COG2: variants seen among roughly 807,000 people sequenced by gnomAD.
COG2 encodes the protein component of oligomeric golgi complex 2.
COG2 carries 52 observed loss-of-function variants against 90.6 expected under a neutral mutation model. The ratio of observed to expected loss-of-function variants is 0.57; its 90% CI spans 0.46 to 0.72. The LOEUF is 0.72. Among genes scored for constraint, COG2 ranks in the 30% least tolerant of loss-of-function variants. The pLI is 0.00. For synonymous variants in COG2, 337 were observed against 320.4 expected, an observed-to-expected ratio of 1.05 and a Z score of -0.55; for missense variants, 829 against 891.2, an observed-to-expected ratio of 0.93 and a Z score of 0.89.
chr1:230,654,436 T>C (rs897757278), intron 1 of COG2, among the ~76,000 whole-genome samples: 2 of 152,228 alleles, frequency 1.3e-5, no homozygotes, highest in African/African-American at 4.8e-5. Context: ...TGTGGTGTTA[T>C]TTCTGAGTCC....
In COG2 at chr1:230,669,340, C is replaced by G. The variant is rs374698235; in HGVS notation, c.595-16C>G. The G allele has an allele frequency of 6.4e-7, 1 of 1,574,310 alleles. No homozygotes were observed. Among genetic ancestry groups the G allele is most frequent in the African/African-American group, 1.4e-5 (1 of 72,776 alleles). ...CAACTAGAGCTTTTTTTTTATTTAC[C>G]CACCTTTTCTTGCAGCGTATAGCTG... is the stretch of plus-strand genomic sequence containing the variant. On this transcript the variant is annotated splice_polypyrimidine_tract_variant and intron_variant, in intron 6 of 17. Coordinates refer to ENST00000366669, the MANE Select transcript of COG2 (RefSeq NM_007357.3).
Position 230,669,443 on chromosome 1 carries a change from C to T in COG2, c.682C>T (p.Arg228Trp), listed in dbSNP as rs1421164814. The change falls in exon 7 of 18, where the codon CGG (arginine) becomes TGG (tryptophan). Residue 228 changes from arginine to tryptophan, a missense_variant. Transcript: ENST00000366669. ...TCAGACGTCTGACGTCGATATAATA[C>T]GGCACTGCTTGCGGACTTACGCCAC... is the stretch of plus-strand genomic sequence containing the variant. ...GLQTSDVDII[R>W]HCLRTYATID... is the part of the protein sequence containing the mutation. 5 of 1,613,948 alleles carry T rather than the reference C, an allele frequency of 3.1e-6. No individual in the cohort carries two copies. The highest frequency in any genetic ancestry group is 1.7e-5 in the Admixed American group (1 of 59,998).
intron 1 of COG2, among the ~76,000 whole-genome samples, chr1:230,644,754 C>T (rs1461743885): frequency 2.6e-5 from 4 of 152,096 alleles, no homozygotes; most frequent in East Asian, 1.9e-4. Context: ...ACTGTACTGA[C>T]GGATTTGCAC....
In COG2 at chr1:230,642,641, C is replaced by A; in HGVS notation, c.35C>A (p.Pro12Gln). 1 of 1,613,160 alleles carries A rather than the reference C, an allele frequency of 6.2e-7. No homozygotes were observed. Among genetic ancestry groups the A allele is most frequent in the South Asian group, 1.1e-5 (1 of 90,774 alleles). ...AGTAGGATGAACCTGCCCAAGGGGC[C>A]GGACACGCTCTGCTTCGACAAGGAC... ...EKSRMNLPKG[P>Q]DTLCFDKDEF... is the part of the protein sequence containing the mutation. The change falls in exon 1 of 18, where the codon CCG (proline) becomes CAG (glutamine). Residue 12 changes from proline to glutamine, a missense_variant. By Grantham distance (76) the Pro-to-Gln change is moderately conservative (BLOSUM62 -1). Coordinates refer to ENST00000366669, the MANE Select transcript of COG2 (RefSeq NM_007357.3).
chr1:230,664,594 A>G lies in COG2; in HGVS notation c.485+7A>G. On this transcript the variant is annotated splice_region_variant and intron_variant, in intron 5 of 17. Coordinates refer to ENST00000366669, the MANE Select transcript of COG2 (RefSeq NM_007357.3). Reference sequence around the variant, plus strand: ...CTGCACTAGAAGCAAGCAGGTAAGTATTTTTTATTAAATAACTCGTAAATT... The same window carrying G: ...CTGCACTAGAAGCAAGCAGGTAAGTGTTTTTTATTAAATAACTCGTAAATT... The G allele has an allele frequency of 7.2e-7, 1 of 1,397,432 alleles. No individual in the cohort carries two copies. Among genetic ancestry groups the G allele is most frequent in the East Asian group, 2.3e-5 (1 of 42,632 alleles). The allele number at this position is 1,397,432 out of a possible 1,614,324, so 86.6% of individuals were successfully genotyped here.
chr1:230,687,021 A>G lies in COG2; in HGVS notation c.1467A>G (p.Gln489=), dbSNP rs747018671. Residue 489 remains glutamine, a synonymous_variant, in exon 13 of 18, where the codon CAA becomes CAG. Coordinates refer to ENST00000366669, the MANE Select transcript of COG2 (RefSeq NM_007357.3). ...VTGSKEPSIT[Q]GNTEDQGSGP... Reference sequence around the variant, plus strand: ...GTAGCAAAGAACCTTCCATCACCCAAGGAAACACTGAAGACCAAGGAAGTG... The same window carrying G: ...GTAGCAAAGAACCTTCCATCACCCAGGGAAACACTGAAGACCAAGGAAGTG... The G allele has an allele frequency of 7.4e-6, 12 of 1,611,844 alleles. No individual in the cohort carries two copies. Among genetic ancestry groups the G allele is most frequent in the Admixed American group, 1.7e-5 (1 of 59,796 alleles).
chr1:230,673,985 T>C (rs952992506), intron 8 of COG2, among the ~76,000 whole-genome samples: 1 of 152,218 alleles, frequency 6.6e-6, no homozygotes, highest in South Asian at 2.1e-4. Context: ...CCAGTTTTGC[T>C]AAAATAGAAC....
chr1:230,650,682 C>T (rs1661895630), intron 1 of COG2, among the ~76,000 whole-genome samples: 1 of 152,074 alleles, frequency 6.6e-6, no homozygotes, highest in South Asian at 2.1e-4. Context: ...TTTTGCTCTG[C>T]AGAGCTTTTT....
intron 5 of COG2, among the ~76,000 whole-genome samples, chr1:230,667,163 A>C (rs1558272809): frequency 6.6e-6 from 1 of 152,152 alleles, no homozygotes; most frequent in African/African-American, 2.4e-5. Context: ...TCTTTACACC[A>C]CAGTGTCTGG....
intron 6 of COG2, chr1:230,669,025 A>G: frequency 2.2e-6 from 1 of 462,548 alleles, no homozygotes. Flanking sequence ...GGAATTGGAC[A>G]TCTTATATGA....
chr1:230,674,635 A>G (rs1662540577), intron 8 of COG2, among the ~76,000 whole-genome samples: 1 of 152,228 alleles, frequency 6.6e-6, no homozygotes, highest in South Asian at 2.1e-4. Flanking sequence ...AGTAATGTGA[A>G]GGTTATTTTT....
intron 1 of COG2, among the ~76,000 whole-genome samples, chr1:230,654,389 T>G (rs1186401271): frequency 6.6e-6 from 1 of 152,224 alleles, no homozygotes; most frequent in Non-Finnish European, 1.5e-5. Context: ...CCCCATTGTT[T>G]GTGTCAGGTT....
intron 15 of COG2, 24 bp downstream of exon 15, chr1:230,688,586 A>G: frequency 6.2e-7 from 1 of 1,612,772 alleles, no homozygotes. Flanking sequence ...ATGGGAGAGA[A>G]TTTTGAGGTG....
intron 1 of COG2, among the ~76,000 whole-genome samples, chr1:230,646,248 C>G (rs80095303): frequency 0.023 from 3,468 of 152,282 alleles, 50 homozygotes; most frequent in Middle Eastern, 0.037. Context: ...TCACTTCACT[C>G]TGGTTTCTGG....
chr1:230,666,087 C>T (rs1247780143), intron 5 of COG2, among the ~76,000 whole-genome samples: 1 of 152,242 alleles, frequency 6.6e-6, no homozygotes, highest in Non-Finnish European at 1.5e-5. Context: ...TTCTGTAGTC[C>T]TCAGACTCAT....
chr1:230,651,211 G>A (rs754799447), intron 1 of COG2, among the ~76,000 whole-genome samples: 1 of 151,992 alleles, frequency 6.6e-6, no homozygotes, highest in Admixed American at 6.6e-5. Flanking sequence ...GGGGATTTGG[G>A]TTCTGTCCCT....
At position 230,647,245 on chromosome 1, in the gene COG2, C is replaced by T. The variant is rs148195556; in HGVS notation, c.72+4567C>T. 2.2e-3 allele frequency among the ~76,000 whole-genome samples: 342 copies of T among 152,220 alleles called. 2 individuals are homozygous for T. The highest frequency in any genetic ancestry group is 8.0e-3 in the African/African-American group (333 of 41,520). ...TGGTTATCTGATTGAAAAAACATAGCGTATATAGAGTTGGGTACTATCTGT... is the reference window on the plus strand; with the variant it reads ...TGGTTATCTGATTGAAAAAACATAGTGTATATAGAGTTGGGTACTATCTGT... On this transcript the variant is annotated intron_variant, in intron 1 of 17. Coordinates refer to ENST00000366669, the MANE Select transcript of COG2 (RefSeq NM_007357.3).
Position 230,689,861 on chromosome 1 carries a change from G to A in COG2, c.1795-153G>A. On this transcript the variant is annotated intron_variant, in intron 15 of 17. Coordinates refer to ENST00000366669, the MANE Select transcript of COG2 (RefSeq NM_007357.3). The stretch of plus-strand genomic sequence containing the variant: ...CATGTTCTCCAGGCAGCTTTCTGTG[G>A]ACCCCAGTGTTACTTTTGGGAGGGA... The A allele has an allele frequency of 6.1e-6, 4 of 655,970 alleles. No homozygotes were observed. In the South Asian group the frequency reaches 9.7e-5, roughly 16 times the overall value. The allele number at this position is 655,970 out of a possible 1,614,324, so 40.6% of individuals were successfully genotyped here. A position where few individuals can be genotyped will look rare whatever the true frequency, so the allele number is the denominator to read the frequency against.
Position 230,693,478 on chromosome 1 carries a change from T to A in COG2, c.*85T>A, listed in dbSNP as rs1663091623. On this transcript the variant is annotated 3_prime_UTR_variant, in exon 18 of 18. Transcript: ENST00000366669. ...TGAAGGGGAGAAAGTGACTCTGTTC[T>A]CTTAGCAACCGTCTGTAGCAAAGAA... 8 of 803,316 alleles carry A rather than the reference T, an allele frequency of 1.0e-5. No individual in the cohort carries two copies. Among genetic ancestry groups the A allele is most frequent in the Non-Finnish European group, 1.6e-5 (8 of 487,506 alleles). The allele number at this position is 803,316 out of a possible 1,614,324, so 49.8% of individuals were successfully genotyped here. A position where few individuals can be genotyped will look rare whatever the true frequency, so the allele number is the denominator to read the frequency against.
Sources: gnomAD v4.1 joint callset for allele counts (sites outside exome capture counted in the v4.1 genomes callset) on GRCh38, gnomAD v4.1.1 for gene constraint, MANE v1.5 for transcripts, NCBI Gene and HGNC (gene_info 2026-07-23, HGNC 2026-07-21) for gene names.